Variants in ABCB5 observed in about 807,000 individuals in gnomAD.
ABCB5 encodes ATP-binding cassette sub-family B member 5.
A neutral mutation model predicts 144.2 loss-of-function variants in ABCB5; 155 were observed. The observed-to-expected ratio is 1.08, with a 90% CI of 0.94 to 1.23. The LOEUF is 1.23. Ranked by LOEUF, ABCB5 falls within the 50% of genes most tolerant of loss-of-function variation. The pLI is 0.00. For synonymous variants in ABCB5, 610 were observed against 528.6 expected (o/e 1.15, Z -2.11); for missense variants, 1,830 against 1,520.8 (o/e 1.20, Z -3.38).
At chr7:20,654,606 A>T (rs1462907248) in intron 13 of ABCB5, among the ~76,000 whole-genome samples, 1 of 152,228 alleles carries the variant, frequency 6.6e-6, no homozygotes, top group Non-Finnish European at 1.5e-5. Context: ...ATCAAAACAA[A>T]CAAAACAAAA....
intron 20 of ABCB5, among the ~76,000 whole-genome samples, chr7:20,710,788 G>T (rs947357290): frequency 6.7e-6 from 1 of 150,054 alleles, no homozygotes; most frequent in Non-Finnish European, 1.5e-5. Context: ...TTATCAAAAT[G>T]ATTAGGTTTA....
At chr7:20,696,761 C>G (rs1463395120) in intron 16 of ABCB5, among the ~76,000 whole-genome samples, 1 of 151,966 alleles carries the variant, frequency 6.6e-6, no homozygotes, top group African/African-American at 2.4e-5. Context: ...AGTAACACAG[C>G]CTATTTTATG....
rs371379654 is a variant in ABCB5, at chr7:20,618,861, A to C, written c.-22+3024A>C. On this transcript the variant is annotated intron_variant, in intron 1 of 27. Coordinates refer to ENST00000404938, the MANE Select transcript of ABCB5 (RefSeq NM_001163941.2). ...ACGATCTCAGCTCACTGCAACCTCCACCTCCCGGGTTCAAGAGATTCTCCT... is the reference window on the plus strand; with the variant it reads ...ACGATCTCAGCTCACTGCAACCTCCCCCTCCCGGGTTCAAGAGATTCTCCT... Among the ~76,000 whole-genome samples, 249 of 118,638 alleles carry C rather than the reference A, an allele frequency of 2.1e-3. 2 individuals carry two copies. The South Asian group carries it at 0.029, about 14-fold the overall frequency. The allele number at this position is 118,638 out of a possible 152,430, so 77.8% of individuals were successfully genotyped here.
At chr7:20,698,293 G>A (rs1786492209) in intron 16 of ABCB5, 114 bp from the exon 17 acceptor site, 3 of 853,712 alleles carry the variant, frequency 3.5e-6, no homozygotes. Context: ...TTTCTACCCT[G>A]CTGTCTGTTA....
At chr7:20,705,706 T>G (rs1223164106) in intron 20 of ABCB5, among the ~76,000 whole-genome samples, 1 of 152,204 alleles carries the variant, frequency 6.6e-6, no homozygotes, top group Non-Finnish European at 1.5e-5. Flanking sequence ...GCTTGAAGCT[T>G]TGTTAGCAGA....
chr7:20,711,867 TCCCTCCCTCCCTCCCTCCCTCCC>T (rs1787082518), intron 20 of ABCB5, among the ~76,000 whole-genome samples: 2 of 31,830 alleles, frequency 6.3e-5, no homozygotes, highest in East Asian at 5.0e-3. Flanking sequence ...CTTTCCTTCC[TCCCTCCCTCCCTCCCTCCCTCCC>T]TCCTTCCTTC....
chr7:20,633,601 G>A (rs981011119), intron 5 of ABCB5, among the ~76,000 whole-genome samples: 7 of 151,960 alleles, frequency 4.6e-5, no homozygotes, highest in Admixed American at 2.0e-4. Context: ...AACATTTGTC[G>A]TTTCTTCGTA....
chr7:20,676,377 G>T (rs1224111250), intron 14 of ABCB5, among the ~76,000 whole-genome samples: 8 of 151,916 alleles, frequency 5.3e-5, no homozygotes, highest in African/African-American at 2.4e-5. Flanking sequence ...AACAGATAAA[G>T]AAAAATATGA....
At chr7:20,658,402 C>A in intron 13 of ABCB5, 104 bp from the exon 14 acceptor site, 2 of 1,042,086 alleles carry the variant, frequency 1.9e-6, no homozygotes, top group Non-Finnish European at 2.7e-6. Context: ...GGCTGAAGTA[C>A]TGATTAAGCT....
intron 14 of ABCB5, among the ~76,000 whole-genome samples, chr7:20,674,555 T>C (rs967031539): frequency 6.6e-5 from 10 of 151,778 alleles, no homozygotes; most frequent in Non-Finnish European, 1.0e-4. Context: ...GTCACAAATA[T>C]AAGGTTTTTA....
At chr7:20,668,982 T>A (rs1785348033) in intron 14 of ABCB5, among the ~76,000 whole-genome samples, 1 of 98,768 alleles carries the variant, frequency 1.0e-5, no homozygotes. Flanking sequence ...GGTGGGGGGG[T>A]CAGCCCCCCG....
intron 20 of ABCB5, among the ~76,000 whole-genome samples, chr7:20,706,967 A>C (rs1305946116): frequency 1.3e-5 from 2 of 152,246 alleles, no homozygotes; most frequent in Non-Finnish European, 2.9e-5. Flanking sequence ...AGATGGATTC[A>C]TATTCAATTT....
chr7:20,664,694 TC>T (rs1785115533), intron 14 of ABCB5, among the ~76,000 whole-genome samples: 1 of 151,884 alleles, frequency 6.6e-6, no homozygotes. Flanking sequence ...TGCAGCATTT[TC>T]TCTTCTTACC....
intron 5 of ABCB5, 48 bp downstream of exon 5, chr7:20,632,161 A>C (rs1784054026): frequency 7.7e-7 from 1 of 1,300,662 alleles, no homozygotes; most frequent in African/African-American, 1.5e-5. Flanking sequence ...ATGATGCTTT[A>C]TTTAAAGCTT....
At chr7:20,669,536 CG>C (rs1785388558) in intron 14 of ABCB5, among the ~76,000 whole-genome samples, 4 of 81,718 alleles carry the variant, frequency 4.9e-5, no homozygotes, top group Non-Finnish European at 6.7e-5. Context: ...GCAGCATGCT[CG>C]TTAAGAGTCA....
intron 16 of ABCB5, among the ~76,000 whole-genome samples, chr7:20,694,043 C>T (rs1292854064): frequency 1.5e-5 from 2 of 133,922 alleles, no homozygotes; most frequent in Non-Finnish European, 3.3e-5. Context: ...AACAAAAAAA[C>T]AAAAAAACTT....
intron 15 of ABCB5, among the ~76,000 whole-genome samples, chr7:20,684,318 T>C (rs1181304236): frequency 6.6e-6 from 1 of 152,234 alleles, no homozygotes; most frequent in Non-Finnish European, 1.5e-5. Flanking sequence ...ACTGTCATCA[T>C]TATTTTGTCC....
chr7:20,753,339 A>T (rs1782989015), intron 26 of ABCB5, 21 bp from the exon 27 acceptor site: 1 of 1,589,414 alleles, frequency 6.3e-7, no homozygotes, highest in African/African-American at 1.3e-5. Context: ...TTGCTTTCTT[A>T]ATTGCATGCT....
Position 20,623,345 on chromosome 7 carries a change from T to G in ABCB5, c.53+7T>G. 5 of 1,545,826 alleles carry G rather than the reference T, an allele frequency of 3.2e-6. No individual in the cohort carries two copies. The highest frequency in any genetic ancestry group is 4.4e-6 in the Non-Finnish European group (5 of 1,141,232). ...AAAATTATCAGAGAAATGGGTAAGCTCTCACTAAGTTCTGTAAGTATGCTT... is the reference window on the plus strand; with the variant it reads ...AAAATTATCAGAGAAATGGGTAAGCGCTCACTAAGTTCTGTAAGTATGCTT... On this transcript the variant is annotated splice_region_variant and intron_variant, in intron 2 of 27. Coordinates refer to ENST00000404938, the MANE Select transcript of ABCB5 (RefSeq NM_001163941.2).
Sources: gnomAD v4.1 joint callset for allele counts (sites outside exome capture counted in the v4.1 genomes callset) on GRCh38, gnomAD v4.1.1 for gene constraint, MANE v1.5 for transcripts, NCBI Gene and HGNC (gene_info 2026-07-23, HGNC 2026-07-21) for gene names.